The following CAMK1 variants were observed in gnomAD, a reference collection of about 807,000 sequenced individuals.
CAMK1 encodes the protein calcium/calmodulin dependent protein kinase I, also known as calcium/calmodulin-dependent protein kinase type 1.
CAMK1 carries 39 observed loss-of-function variants against 49.1 expected under a neutral mutation model. That is an observed-to-expected ratio of 0.79 (90% CI 0.62 to 1.04). The LOEUF is 1.04. Ranked by LOEUF, CAMK1 falls within the 50% of genes least tolerant of loss-of-function variation. The probability of loss-of-function intolerance (pLI) is 0.00; values close to 1 mark genes in which losing one functional copy is unlikely to be tolerated. For synonymous variants in CAMK1, 192 were observed against 185.2 expected, an observed-to-expected ratio of 1.04 and a Z score of -0.30; for missense variants, 457 against 472.2, an observed-to-expected ratio of 0.97 and a Z score of 0.30.
In CAMK1 at chr3:9,757,417, G is replaced by C. The variant is rs1014233437; in HGVS notation, c.*122C>G. On this transcript the variant is annotated 3_prime_UTR_variant, in exon 12 of 12. Coordinates refer to ENST00000256460, the MANE Select transcript of CAMK1 (RefSeq NM_003656.5). The surrounding 1 kb of genome is among the most constrained non-coding windows in gnomAD (Gnocchi z 4.5). ...ACATTTGTATGGAAAATGCAGTGAG[G>C]AGTGGTAGGGAAGCAGGTGAGGAGG... is the stretch of plus-strand genomic sequence containing the variant. The C allele has an allele frequency of 2.9e-5, 46 of 1,608,962 alleles. No homozygotes were observed. The highest frequency in any genetic ancestry group is 1.0e-4 in the Admixed American group (6 of 58,994).
chr3:9,766,316 G>A (rs73113550), intron 2 of CAMK1: 10,109 of 695,104 alleles, frequency 0.015, 669 homozygotes, highest in African/African-American at 0.14. Flanking sequence ...CCATGCCTGA[G>A]GTCTACCCCT....
chr3:9,757,558 G>A lies in CAMK1; in HGVS notation c.1094C>T (p.Thr365Ile). ...AGGGCCCTAGAGCTGGTGGGGCAGT[G>A]TGGGGGACAGTTCTGTGCCCGGCTC... is the stretch of plus-strand genomic sequence containing the variant. ...CVEPGTELSPTLPHQL is the reference protein window; with the variant it reads ...CVEPGTELSPILPHQL Residue 365 changes from threonine (T) to isoleucine (I), a missense_variant, in exon 12 of 12, where the codon ACA (threonine) becomes ATA (isoleucine). Coordinates refer to ENST00000256460, the MANE Select transcript of CAMK1 (RefSeq NM_003656.5). The surrounding 1 kb of genome is among the most constrained non-coding windows in gnomAD (Gnocchi z 4.5). The A allele has an allele frequency of 6.2e-7, 1 of 1,614,054 alleles. No individual in the cohort carries two copies. The highest frequency in any genetic ancestry group is 8.5e-7 in the Non-Finnish European group (1 of 1,179,968).
intron 7 of CAMK1, 199 bp downstream of exon 7, chr3:9,761,261 TA>T: frequency 1.0e-5 from 6 of 580,164 alleles, no homozygotes; most frequent in Non-Finnish European, 1.8e-5. Flanking sequence ...TGTGCTGTGC[TA>T]AATTTACCCC....
At chr3:9,763,288 G>T in intron 3 of CAMK1, 75 bp from the exon 4 acceptor site, 2 of 1,589,864 alleles carry the variant, frequency 1.3e-6, no homozygotes, top group Non-Finnish European at 1.7e-6. Flanking sequence ...GGGAACTTGG[G>T]AGGCTGAGGC....
intron 1 of CAMK1, among the ~76,000 whole-genome samples, chr3:9,769,276 G>A (rs569399038): frequency 3.3e-5 from 5 of 151,190 alleles, no homozygotes; most frequent in Admixed American, 6.6e-5. Flanking sequence ...TATACCAGAC[G>A]TACCCTACAC....
At position 9,764,799 on chromosome 3, in the gene CAMK1, A is replaced by C. The variant is rs2078074410; in HGVS notation, c.215+960T>G. 2.6e-5 allele frequency among the ~76,000 whole-genome samples: 4 copies of C among 151,450 alleles called. No individual in the cohort carries two copies. In the South Asian group the frequency reaches 8.4e-4, roughly 32 times the overall value. On this transcript the variant is annotated intron_variant, in intron 3 of 11. Transcript: ENST00000256460. ...AGGCATGTGCCACCACGCCTGGCTA[A>C]TTTTGTATTTTTAGTAGAGACAGGG...
At chr3:9,760,584 AGACCGC>A in intron 8 of CAMK1, 66 bp downstream of exon 8, 1 of 1,510,026 alleles carries the variant, frequency 6.6e-7, no homozygotes, top group South Asian at 1.1e-5. Context: ...GGCAGGAGGG[AGACCGC>A]CCCCAAAGCA....
intron 10 of CAMK1, 120 bp downstream of exon 10, chr3:9,759,368 G>A: frequency 6.5e-7 from 1 of 1,541,622 alleles, no homozygotes; most frequent in East Asian, 2.2e-5. Flanking sequence ...CCTTCAGTAA[G>A]GATCCCTAAG....
At chr3:9,758,099 T>C (rs1287051545) in intron 10 of CAMK1, 3 of 462,176 alleles carry the variant, frequency 6.5e-6, no homozygotes, top group South Asian at 6.3e-5. Flanking sequence ...CATATTAATA[T>C]GTAATAGCAA....
chr3:9,767,667 G>A lies in CAMK1; in HGVS notation c.83C>T (p.Thr28Met), dbSNP rs190639418. The A allele has an allele frequency of 5.9e-5, 95 of 1,613,968 alleles. 1 individual carries two copies. The South Asian group carries it at 7.9e-4, about 13-fold the overall frequency. ...GCACCCAATCCTGCCCTGGACTCAC[G>A]TGCCCAGAACATCTCGGAAGTCGTA... ...DIYDFRDVLGTGAFSEVILAE... is the reference protein window; with the variant it reads ...DIYDFRDVLGMGAFSEVILAE... The change falls in exon 2 of 12, where the codon ACG becomes ATG. Residue 28 changes from threonine to methionine, a missense_variant and splice_region_variant. Transcript: ENST00000256460.
At position 9,760,732 on chromosome 3, in the gene CAMK1, A is replaced by G; in HGVS notation, c.669T>C (p.Asp223=). The G allele has an allele frequency of 1.9e-6, 3 of 1,614,102 alleles. No individual in the cohort carries two copies. The highest frequency in any genetic ancestry group is 2.5e-6 in the Non-Finnish European group (3 of 1,179,980). Residue 223 remains aspartate, a synonymous_variant, in exon 8 of 12, where the codon GAT becomes GAC. Transcript: ENST00000256460. ...CGYPPFYDEN[D]AKLFEQILKA... ...TCAAAATCTGTTCAAAGAGTTTGGC[A>G]TCATTCTCGTCATAGAAGGGAGGGT...
chr3:9,758,378 A>G (rs1575217353), intron 10 of CAMK1: 1 of 155,478 alleles, frequency 6.4e-6, no homozygotes, highest in Admixed American at 6.3e-5. Context: ...CAGTCATGGT[A>G]CCACCACCAT....
At position 9,763,195 on chromosome 3, in the gene CAMK1, A is replaced by G. The variant is rs138408472; in HGVS notation, c.234T>C (p.Ile78=). Residue 78 remains isoleucine, a synonymous_variant, in exon 4 of 12, where the codon ATT becomes ATC. Coordinates refer to ENST00000256460, the MANE Select transcript of CAMK1 (RefSeq NM_003656.5). ...AVLHKIKHPN[I]VALDDIYESG... is the part of the protein sequence containing the mutation. ...TCTCATAGATGTCATCCAGGGCTAC[A>G]ATGTTGGGGTGCTTGATCCTGAAAG... 1.1e-3 allele frequency: 1,745 copies of G among 1,613,928 alleles called. 8 individuals are homozygous for G. Among genetic ancestry groups the G allele is most frequent in the Non-Finnish European group, 8.1e-4 (958 of 1,180,010 alleles).
At chr3:9,762,159 TAGGC>T (rs1465203875) in intron 5 of CAMK1, 2 of 168,238 alleles carry the variant, frequency 1.2e-5, no homozygotes, top group Non-Finnish European at 2.6e-5. Context: ...AACCCACAGT[TAGGC>T]AGTAGCAGAG....
In CAMK1 at chr3:9,759,657, T is replaced by C; in HGVS notation, c.824+15A>G. The C allele has an allele frequency of 6.2e-7, 1 of 1,614,198 alleles. No homozygotes were observed. The highest frequency in any genetic ancestry group is 8.5e-7 in the Non-Finnish European group (1 of 1,180,016). ...CCAAATCCCGCCCCAGCTCACAGGT[T>C]GTGTGAATTCTCACCATGGGTGCTG... is the stretch of plus-strand genomic sequence containing the variant. On this transcript the variant is annotated intron_variant, in intron 9 of 11. Transcript: ENST00000256460.
chr3:9,765,805 C>T lies in CAMK1; in HGVS notation c.169G>A (p.Glu57Lys), dbSNP rs1238271621. Residue 57 changes from glutamate to lysine, a missense_variant, in exon 3 of 12, where the codon GAG (glutamate) becomes AAG (lysine). By Grantham distance (56) the Glu-to-Lys change is moderately conservative (BLOSUM62 1). Transcript: ENST00000256460. Reference sequence around the variant, plus strand: ...TTCTCCATGCTGCCTTCCTTGCCCTCCAGGGCCTCCTTGGCAATGCATTTG... The same window carrying T: ...TTCTCCATGCTGCCTTCCTTGCCCTTCAGGGCCTCCTTGGCAATGCATTTG... ...AIKCIAKEAL[E>K]GKEGSMENEI... 6.2e-7 allele frequency: 1 copy of T among 1,614,068 alleles called. No homozygotes were observed. The highest frequency in any genetic ancestry group is 1.3e-5 in the African/African-American group (1 of 75,060).
intron 10 of CAMK1, chr3:9,759,152 C>G: frequency 2.0e-6 from 3 of 1,511,314 alleles, no homozygotes; most frequent in Non-Finnish European, 2.8e-6. Flanking sequence ...AGACATTATT[C>G]CGCTATGCCT....
At chr3:9,759,774 A>G in intron 8 of CAMK1, 24 bp from the exon 9 acceptor site, 2 of 1,614,040 alleles carry the variant, frequency 1.2e-6, no homozygotes, top group South Asian at 2.2e-5. Context: ...ACAAAAGCAA[A>G]GATAATGACA....
At chr3:9,762,475 C>G (rs1234876539) in intron 5 of CAMK1, among the ~76,000 whole-genome samples, 4 of 152,214 alleles carry the variant, frequency 2.6e-5, no homozygotes, top group Non-Finnish European at 5.9e-5. Flanking sequence ...CTCCCGGGTC[C>G]AAGTGATTCG....
Sources: allele counts gnomAD v4.1 joint callset (sites outside exome capture counted in the v4.1 genomes callset), GRCh38; gene constraint gnomAD v4.1.1; non-coding constraint Gnocchi (gnomAD v3.1); transcripts MANE v1.5; gene names NCBI Gene and HGNC (gene_info 2026-07-23, HGNC 2026-07-21).